Variants in PARVB observed in about 807,000 individuals in gnomAD.
PARVB encodes beta-parvin.
PARVB carries 46 observed loss-of-function variants against 47.0 expected under a neutral mutation model. That is an observed-to-expected ratio of 0.98 (90% confidence interval 0.77 to 1.25). The LOEUF (loss-of-function observed/expected upper bound fraction) is 1.25, where lower values mean the gene tolerates loss of function less well. Among genes scored for constraint, PARVB ranks in the 50% most tolerant of loss-of-function variants. The pLI is 0.00. For synonymous variants in PARVB, 196 were observed against 196.3 expected (o/e 1.00, Z 0.01); for missense variants, 473 against 471.6 (o/e 1.00, Z -0.03).
chr22:44,070,488 G>T (rs538174858), intron 1 of PARVB, among the ~76,000 whole-genome samples: 1 of 152,196 alleles, frequency 6.6e-6, no homozygotes, highest in Non-Finnish European at 1.5e-5. Context: ...TGCCTGGGAC[G>T]CAGATGAACA....
chr22:44,046,697 G>A (rs1601523015), intron 1 of PARVB, among the ~76,000 whole-genome samples: 2 of 152,338 alleles, frequency 1.3e-5, no homozygotes, highest in African/African-American at 2.4e-5. Context: ...CATAGTGTTG[G>A]CTGGAGTGAT....
intron 1 of PARVB, among the ~76,000 whole-genome samples, chr22:44,026,995 A>G (rs903871100): frequency 1.3e-5 from 2 of 150,858 alleles, no homozygotes; most frequent in African/African-American, 4.9e-5. Flanking sequence ...GGTTTGGAGG[A>G]AGCAGTGCAG....
chr22:44,045,007 G>A (rs956945840), intron 1 of PARVB, among the ~76,000 whole-genome samples: 1 of 152,184 alleles, frequency 6.6e-6, no homozygotes, highest in Non-Finnish European at 1.5e-5. Context: ...GGGAGGCCGA[G>A]GCAGGAGGAT....
At chr22:44,123,478 A>G (rs928679079) in intron 4 of PARVB, among the ~76,000 whole-genome samples, 2 of 152,244 alleles carry the variant, frequency 1.3e-5, no homozygotes, top group Non-Finnish European at 2.9e-5. Context: ...TGGGGGTACA[A>G]TCATGGCTCA....
intron 9 of PARVB, 167 bp from the exon 10 acceptor site, chr22:44,151,316 G>T: frequency 3.4e-6 from 2 of 589,828 alleles, no homozygotes; most frequent in Non-Finnish European, 6.1e-6. Flanking sequence ...AAAACTAGGG[G>T]CTACTGTCAG....
intron 2 of PARVB, among the ~76,000 whole-genome samples, chr22:44,098,320 C>G (rs570186791): frequency 2.6e-5 from 4 of 152,164 alleles, no homozygotes; most frequent in Non-Finnish European, 5.9e-5. Flanking sequence ...CACACAGGCA[C>G]ACAAAGTCCT....
intron 1 of PARVB, chr22:44,039,728 C>T (rs111342406): frequency 1.0e-4 from 39 of 387,566 alleles, no homozygotes; most frequent in African/African-American, 5.8e-4. Flanking sequence ...AACAAGGTGC[C>T]GGTACAGGAA....
At chr22:44,012,357 T>C (rs113341177) in intron 2 of PARVB, among the ~76,000 whole-genome samples, 2 of 152,322 alleles carry the variant, frequency 1.3e-5, no homozygotes, top group African/African-American at 4.8e-5. Context: ...TTGATCAGTG[T>C]AGTTGGTGAT....
At position 44,155,722 on chromosome 22, in the gene PARVB, C is replaced by A. The variant is rs1480067936; in HGVS notation, c.844-2260C>A. 2.6e-5 allele frequency among the ~76,000 whole-genome samples: 4 copies of A among 152,164 alleles called. No individual in the cohort carries two copies. The highest frequency in any genetic ancestry group is 5.9e-5 in the Non-Finnish European group (4 of 68,038). On this transcript the variant is annotated intron_variant, in intron 10 of 12. Coordinates refer to ENST00000338758, the MANE Select transcript of PARVB (RefSeq NM_013327.5). This position sits in a 1 kb window ranked among gnomAD's most constrained non-coding sequence, Gnocchi z 4.8. ...CCAGGGTGCTGTGGGCATGAAGCTT[C>A]CATGTGGAGACACACTTAAAAGAAT...
intron 1 of PARVB, among the ~76,000 whole-genome samples, chr22:44,083,297 GTTCA>G (rs796589145): frequency 2.8e-4 from 43 of 152,262 alleles, no homozygotes; most frequent in African/African-American, 1.0e-3. Context: ...TAGCATTTGT[GTTCA>G]TTCATTCATT....
chr22:44,062,787 C>T (rs964076764), intron 1 of PARVB, among the ~76,000 whole-genome samples: 20 of 152,214 alleles, frequency 1.3e-4, no homozygotes, highest in Non-Finnish European at 2.8e-4. Flanking sequence ...CTTCTGTTGC[C>T]CTGGAGTTGG....
At chr22:44,022,408 T>C (rs1450018501), upstream of PARVB, among the ~76,000 whole-genome samples, 1 of 152,108 alleles carries the variant, frequency 6.6e-6, no homozygotes, top group Non-Finnish European at 1.5e-5. Context: ...ATCCACATGG[T>C]CCCTGTCCCT....
At chr22:44,057,892 T>C (rs2051345034) in intron 1 of PARVB, among the ~76,000 whole-genome samples, 2 of 151,920 alleles carry the variant, frequency 1.3e-5, no homozygotes, top group Admixed American at 1.3e-4. Flanking sequence ...CAGTGTGGCA[T>C]GAGCTTTGCT....
intron 4 of PARVB, among the ~76,000 whole-genome samples, chr22:44,122,536 G>C (rs868318953): frequency 0.029 from 2,731 of 94,946 alleles, 192 homozygotes; most frequent in African/African-American, 0.12. Flanking sequence ...GACAGAGAGA[G>C]AGAGAGAGAG....
chr22:44,118,537 G>GT (rs1460476632), intron 3 of PARVB, among the ~76,000 whole-genome samples: 1 of 152,216 alleles, frequency 6.6e-6, no homozygotes, highest in Non-Finnish European at 1.5e-5. Context: ...GACTTAGGGT[G>GT]ACCAGGGAGG....
Position 43,999,376 on chromosome 22 carries a change from GAA to G in PARVB, c.39_40del (p.Arg14GlyfsTer4). The G allele has an allele frequency of 6.2e-7, 1 of 1,611,056 alleles. No individual in the cohort carries two copies. The highest frequency in any genetic ancestry group is 2.2e-5 in the East Asian group (1 of 44,874). ...TGTTTAAAGATCACCAAAGAGGAGA[GAA>G]AAGGGGATTCCTTAGTCCAGAGAAC... On this transcript the variant is annotated frameshift_variant, in exon 1 of 14. Transcript: ENST00000406477. LOFTEE classifies it high-confidence loss of function.
chr22:44,123,509 G>A (rs1056393198), intron 4 of PARVB, among the ~76,000 whole-genome samples: 4 of 152,178 alleles, frequency 2.6e-5, no homozygotes, highest in African/African-American at 9.7e-5. Context: ...CACTTCCTGG[G>A]CTCAGGTGAT....
At chr22:44,106,839 T>C (rs2052579694) in intron 3 of PARVB, 1 of 151,974 alleles carries the variant, frequency 6.6e-6, no homozygotes. Flanking sequence ...CTGGGTAAGC[T>C]AGGCACTGAG....
chr22:44,076,881 T>C (rs920633036), intron 1 of PARVB, among the ~76,000 whole-genome samples: 2 of 152,058 alleles, frequency 1.3e-5, no homozygotes, highest in Non-Finnish European at 2.9e-5. Flanking sequence ...GCCCTCGGTA[T>C]GTGGCTCGCT....
Sources: allele counts gnomAD v4.1 joint callset (sites outside exome capture counted in the v4.1 genomes callset), GRCh38; gene constraint gnomAD v4.1.1; non-coding constraint Gnocchi (gnomAD v3.1); transcripts MANE v1.5; gene names NCBI Gene and HGNC (gene_info 2026-07-23, HGNC 2026-07-21).